CFAP299: variants seen among roughly 807,000 people sequenced by gnomAD.
CFAP299 encodes the protein cilia- and flagella-associated protein 299.
Under a neutral mutation model 27.0 loss-of-function variants are expected in CFAP299, and 21 were observed. The ratio of observed to expected loss-of-function variants is 0.78; its 90% CI spans 0.55 to 1.12. The LOEUF (loss-of-function observed/expected upper bound fraction) is 1.12, where lower values mean the gene tolerates loss of function less well. Ranked by LOEUF, CFAP299 falls within the 50% of genes most tolerant of loss-of-function variation. The probability of loss-of-function intolerance (pLI) is 0.00; values close to 1 mark genes in which losing one functional copy is unlikely to be tolerated. For synonymous variants in CFAP299, 104 were observed against 98.1 expected (o/e 1.06, Z -0.36); for missense variants, 310 against 276.6 (o/e 1.12, Z -0.86).
At chr4:80,692,140 A>G (rs1040692125) in intron 3 of CFAP299, among the ~76,000 whole-genome samples, 1 of 152,238 alleles carries the variant, frequency 6.6e-6, no homozygotes, top group African/African-American at 2.4e-5. Context: ...TACAGATTCA[A>G]TGCCATCCCC....
chr4:80,921,523 A>G (rs1054675794), intron 4 of CFAP299, among the ~76,000 whole-genome samples: 4 of 152,076 alleles, frequency 2.6e-5, no homozygotes, highest in African/African-American at 7.2e-5. Context: ...CAGCAGGTAT[A>G]TGAAAGGGAA....
chr4:80,910,493 T>C (rs1735412958), intron 4 of CFAP299, among the ~76,000 whole-genome samples: 1 of 152,002 alleles, frequency 6.6e-6, no homozygotes, highest in African/African-American at 2.4e-5. Flanking sequence ...TATGTAGCCA[T>C]AAAAAAGAAA....
At chr4:80,592,968 G>T (rs576081201) in intron 3 of CFAP299, among the ~76,000 whole-genome samples, 1 of 152,248 alleles carries the variant, frequency 6.6e-6, no homozygotes, top group African/African-American at 2.4e-5. Context: ...ATAATTCAAT[G>T]CTCTTTACAA....
intron 2 of CFAP299, among the ~76,000 whole-genome samples, chr4:80,394,168 G>C (rs780773674): frequency 1.3e-4 from 20 of 152,110 alleles, no homozygotes; most frequent in Non-Finnish European, 2.8e-4. Context: ...TAAAACCTCT[G>C]CCCTTTATAT....
intron 3 of CFAP299, among the ~76,000 whole-genome samples, chr4:80,743,001 T>A (rs1197895888): frequency 6.6e-6 from 1 of 152,188 alleles, no homozygotes; most frequent in African/African-American, 2.4e-5. Flanking sequence ...CAGGACTGTG[T>A]ATGCAAAAAA....
chr4:80,564,124 C>T (rs1184647479), intron 2 of CFAP299, among the ~76,000 whole-genome samples: 1 of 151,982 alleles, frequency 6.6e-6, no homozygotes, highest in African/African-American at 2.4e-5. Flanking sequence ...TAATACCAAT[C>T]CTACTCAACC....
chr4:80,808,929 C>G (rs1729003081), intron 3 of CFAP299, among the ~76,000 whole-genome samples: 1 of 152,050 alleles, frequency 6.6e-6, no homozygotes, highest in Non-Finnish European at 1.5e-5. Flanking sequence ...TGCATATCTT[C>G]CAGATGCAGA....
Position 80,944,880 on chromosome 4 carries a change from C to A in CFAP299, c.547C>A (p.Pro183Thr), listed in dbSNP as rs1233776521. The change falls in exon 5 of 6, where the codon CCA becomes ACA. Residue 183 changes from proline to threonine, a missense_variant. Physicochemically the swap from Pro to Thr is conservative, Grantham distance 38. Coordinates refer to ENST00000358105, the MANE Select transcript of CFAP299 (RefSeq NM_152770.3). ...SPNYQVIADN[P>T]EGLLFRYKRD... is the part of the protein sequence containing the mutation. The stretch of plus-strand genomic sequence containing the variant: ...CAACTATCAAGTGATTGCCGATAAT[C>A]CAGAAGGCTTACTTTTCAGATACAA... 1 of 1,612,292 alleles carries A rather than the reference C, an allele frequency of 6.2e-7. No individual in the cohort carries two copies. Among genetic ancestry groups the A allele is most frequent in the Non-Finnish European group, 8.5e-7 (1 of 1,178,642 alleles).
In CFAP299 at chr4:80,800,626, T is replaced by A. The variant is rs866820679; in HGVS notation, c.334-69367T>A. On this transcript the variant is annotated intron_variant, in intron 3 of 5. Transcript: ENST00000358105. The stretch of plus-strand genomic sequence containing the variant: ...TATAAATATATAATATATAATATAT[T>A]AATATAAATATATAATATATTAATA... Among the ~76,000 whole-genome samples the A allele has an allele frequency of 1.8e-3, 179 of 97,726 alleles. 1 individual carries two copies. The highest frequency in any genetic ancestry group is 7.3e-3 in the African/African-American group (162 of 22,272). The allele number at this position is 97,726 out of a possible 152,430, so 64.1% of individuals were successfully genotyped here. A position where few individuals can be genotyped will look rare whatever the true frequency, so the allele number is the denominator to read the frequency against.
chr4:80,571,741 CAG>C (rs1463333524), intron 2 of CFAP299, among the ~76,000 whole-genome samples: 1 of 151,748 alleles, frequency 6.6e-6, no homozygotes, highest in African/African-American at 2.4e-5. Context: ...GAAGAAACAC[CAG>C]AGTTTGTTCC....
intron 2 of CFAP299, among the ~76,000 whole-genome samples, chr4:80,431,345 TTCCTTTTTTCCC>T (rs1484456620): frequency 6.8e-6 from 1 of 147,028 alleles, no homozygotes; most frequent in African/African-American, 2.4e-5. Context: ...CCTTCTTTCC[TTCCTTTTTTCCC>T]TCCATCTCTC....
intron 3 of CFAP299, among the ~76,000 whole-genome samples, chr4:80,777,583 T>C (rs1726625826): frequency 6.6e-6 from 1 of 152,182 alleles, no homozygotes; most frequent in African/African-American, 2.4e-5. Context: ...TTCTACGCTC[T>C]TGGACCGTTT....
intron 3 of CFAP299, among the ~76,000 whole-genome samples, chr4:80,859,507 G>A (rs892846857): frequency 5.3e-5 from 8 of 151,986 alleles, no homozygotes; most frequent in Admixed American, 6.6e-5. Flanking sequence ...TCCTAGTCTC[G>A]ATGGTCTTTA....
intron 2 of CFAP299, among the ~76,000 whole-genome samples, chr4:80,392,907 A>G (rs1385369340): frequency 6.6e-6 from 1 of 152,338 alleles, no homozygotes; most frequent in East Asian, 1.9e-4. Flanking sequence ...CTTATTAAAA[A>G]AAGTTAACTG....
At chr4:80,771,556 G>T (rs1347157752) in intron 3 of CFAP299, among the ~76,000 whole-genome samples, 2 of 151,976 alleles carry the variant, frequency 1.3e-5, no homozygotes, top group Non-Finnish European at 2.9e-5. Context: ...CATAATAAAT[G>T]GTAAAGTTCC....
chr4:80,619,716 T>C (rs1738475364), intron 3 of CFAP299, among the ~76,000 whole-genome samples: 1 of 152,124 alleles, frequency 6.6e-6, no homozygotes, highest in South Asian at 2.1e-4. Flanking sequence ...TCCAGGCACC[T>C]ATACTGGCTG....
In CFAP299 at chr4:80,495,048, A is replaced by G. The variant is rs930594713; in HGVS notation, c.243-88045A>G. On this transcript the variant is annotated intron_variant, in intron 2 of 5. Transcript: ENST00000358105. ...CATAGCCTAAGAAAGATATATAACC[A>G]TTTCACTACATCTGTTTTAAAAGAA... Among the ~76,000 whole-genome samples, 5 of 152,158 alleles carry G rather than the reference A, an allele frequency of 3.3e-5. No individual in the cohort carries two copies. The East Asian group carries it at 9.6e-4, about 29-fold the overall frequency.
chr4:80,863,990 A>C (rs76097262), intron 3 of CFAP299, among the ~76,000 whole-genome samples: 1 of 152,016 alleles, frequency 6.6e-6, no homozygotes, highest in African/African-American at 2.4e-5. Flanking sequence ...TAGAAAGTAG[A>C]TTAGTGATTG....
intron 3 of CFAP299, among the ~76,000 whole-genome samples, chr4:80,829,913 A>C (rs1353336211): frequency 6.6e-6 from 1 of 152,062 alleles, no homozygotes; most frequent in Non-Finnish European, 1.5e-5. Flanking sequence ...TGGCTACCAG[A>C]GGCTAGGGGA....
Sources: gnomAD v4.1 joint callset for allele counts (sites outside exome capture counted in the v4.1 genomes callset) on GRCh38, gnomAD v4.1.1 for gene constraint, MANE v1.5 for transcripts, NCBI Gene and HGNC (gene_info 2026-07-23, HGNC 2026-07-21) for gene names.